SIX4: variants seen among roughly 807,000 people sequenced by gnomAD.
SIX4 encodes the protein SIX homeobox 4, also known as homeobox protein SIX4.
A neutral mutation model predicts 51.5 loss-of-function variants in SIX4; 23 were observed. The observed-to-expected ratio is 0.45, with a 90% CI of 0.32 to 0.63. The LOEUF (loss-of-function observed/expected upper bound fraction) is 0.63. Among genes scored for constraint, SIX4 ranks in the 30% least tolerant of loss-of-function variants. SIX4 has a pLI of 0.04. For missense variants in SIX4, 867 were observed against 984.0 expected, an observed-to-expected ratio of 0.88 and a Z score of 1.59; for synonymous variants, 413 against 417.3, an observed-to-expected ratio of 0.99 and a Z score of 0.13.
Position 60,713,663 on chromosome 14 carries a change from C to T in SIX4, c.2090G>A (p.Gly697Asp). ...CTGATGTACTGCTGGGGAGGGGTGA[C>T]CTACCTGATCTTCAGCTGTAGGAAC... is the stretch of plus-strand genomic sequence containing the variant. ...EIVPTAEDQVGHPSPAVHQDF... is the reference protein window; with the variant it reads ...EIVPTAEDQVDHPSPAVHQDF... The change falls in exon 3 of 3, where the codon GGT (glycine) becomes GAT (aspartate). Residue 697 changes from glycine (G) to aspartate (D), a missense_variant. Physicochemically the swap from Gly to Asp is moderately conservative, Grantham distance 94. Coordinates refer to ENST00000216513, the MANE Select transcript of SIX4 (RefSeq NM_017420.5). 6.2e-7 allele frequency: 1 copy of T among 1,614,178 alleles called. No individual in the cohort carries two copies. Among genetic ancestry groups the T allele is most frequent in the Admixed American group, 1.7e-5 (1 of 60,026 alleles).
chr14:60,720,514 T>G lies in SIX4; in HGVS notation c.864-69A>C, dbSNP rs1420831764. Reference sequence around the variant, plus strand: ...TGACATTCTACACAGTGCCACTTGTTTGGAAAACCAGCTTCTAAATCCATT... The same window carrying G: ...TGACATTCTACACAGTGCCACTTGTGTGGAAAACCAGCTTCTAAATCCATT... On this transcript the variant is annotated intron_variant, in intron 1 of 2. Coordinates refer to ENST00000216513, the MANE Select transcript of SIX4 (RefSeq NM_017420.5). The surrounding 1 kb of genome is among the most constrained non-coding windows in gnomAD (Gnocchi z 5.5). The G allele has an allele frequency of 6.9e-7, 1 of 1,439,010 alleles. No individual in the cohort carries two copies. Among genetic ancestry groups the G allele is most frequent in the Admixed American group, 2.2e-5 (1 of 46,210 alleles). The allele number at this position is 1,439,010 out of a possible 1,614,324, so 89.1% of individuals were successfully genotyped here.
intron 2 of SIX4, among the ~76,000 whole-genome samples, chr14:60,714,972 TAAAAAAAAA>T (rs11449594): frequency 1.5e-5 from 2 of 129,326 alleles, no homozygotes; most frequent in South Asian, 2.6e-4. Flanking sequence ...GCCCTTTCTT[TAAAAAAAAA>T]AAAAAAAAAA....
Position 60,724,174 on chromosome 14 carries a change from T to C in SIX4, c.-100A>G. ...TCCTCCTTCGTCTCCCTCCCTCCTC[T>C]CCCCCTCCGGAAAGCCCACTCCCTC... On this transcript the variant is annotated 5_prime_UTR_variant, in exon 1 of 3. Coordinates refer to ENST00000216513, the MANE Select transcript of SIX4 (RefSeq NM_017420.5). 6.3e-7 allele frequency: 1 copy of C among 1,583,758 alleles called. No homozygotes were observed.
rs1488301067 is a variant in SIX4, at chr14:60,717,448, G to A, written c.1549+2312C>T. Among the ~76,000 whole-genome samples, 3 of 152,122 alleles carry A rather than the reference G, an allele frequency of 2.0e-5. No individual in the cohort carries two copies. The highest frequency in any genetic ancestry group is 1.3e-4 in the Admixed American group (2 of 15,272). On this transcript the variant is annotated intron_variant, in intron 2 of 2. Coordinates refer to ENST00000216513, the MANE Select transcript of SIX4 (RefSeq NM_017420.5). The surrounding 1 kb of genome is among the most constrained non-coding windows in gnomAD (Gnocchi z 4.6). ...TAGATGTTTAGTTTATTGTGTGTAT[G>A]TTTATGAAATTGTTTGCCAATGTAT... is the stretch of plus-strand genomic sequence containing the variant.
At chr14:60,723,141 C>T (rs1238888649) in intron 1 of SIX4, 71 bp downstream of exon 1, 7 of 1,445,590 alleles carry the variant, frequency 4.8e-6, no homozygotes, top group Non-Finnish European at 6.3e-6. Context: ...TTTGCGAGCA[C>T]TTGGAGGAAA....
chr14:60,713,431 C>G lies in SIX4; in HGVS notation c.2322G>C (p.Leu774=), dbSNP rs762118317. The G allele has an allele frequency of 3.1e-6, 5 of 1,608,834 alleles. No homozygotes were observed. Among genetic ancestry groups the G allele is most frequent in the Non-Finnish European group, 4.2e-6 (5 of 1,178,006 alleles). ...KELAKLQTVQ[L]DEDMQDL ...TTCATAAGTCTTGCATATCTTCATC[C>G]AGCTGGACAGTCTGGAGCTTGGCAA... is the stretch of plus-strand genomic sequence containing the variant. The change falls in exon 3 of 3, where the codon CTG becomes CTC. Residue 774 remains leucine, a synonymous_variant. Transcript: ENST00000216513.
Position 60,723,869 on chromosome 14 carries a change from T to A in SIX4, c.206A>T (p.Glu69Val). 6.5e-7 allele frequency: 1 copy of A among 1,543,852 alleles called. No individual in the cohort carries two copies. The highest frequency in any genetic ancestry group is 1.2e-5 in the South Asian group (1 of 83,068). The stretch of plus-strand genomic sequence containing the variant: ...GGCCGCCGCCGCCGCCACTGCCCCT[T>A]CCTCTCCGCTCACCCTGGCGGCAGC... ...ATAAARVSGE[E>V]GAVAAAAAGA... Residue 69 changes from glutamate to valine, a missense_variant, in exon 1 of 3, where the codon GAA becomes GTA. Transcript: ENST00000216513.
Position 60,716,409 on chromosome 14 carries a change from T to C in SIX4, c.1550-2206A>G, listed in dbSNP as rs146521401. On this transcript the variant is annotated intron_variant, in intron 2 of 2. Transcript: ENST00000216513. Reference sequence around the variant, plus strand: ...CTGGGATTACAGGCACGCACCACCATGCCTGGCTAATTTTTGTATTTTTAG... The same window carrying C: ...CTGGGATTACAGGCACGCACCACCACGCCTGGCTAATTTTTGTATTTTTAG... 1.6e-3 allele frequency among the ~76,000 whole-genome samples: 244 copies of C among 152,110 alleles called. No homozygotes were observed. The East Asian group carries it at 0.027, about 17-fold the overall frequency.
chr14:60,718,136 A>C (rs1895953137), intron 2 of SIX4: 1 of 155,526 alleles, frequency 6.4e-6, no homozygotes, highest in South Asian at 2.0e-4. Flanking sequence ...TCTTGTCAAG[A>C]CATTTTAAAG....
In SIX4 at chr14:60,720,026, G is replaced by T. The variant is rs768453686; in HGVS notation, c.1283C>A (p.Ala428Asp). 5.0e-6 allele frequency: 8 copies of T among 1,614,204 alleles called. No homozygotes were observed. Among genetic ancestry groups the T allele is most frequent in the Non-Finnish European group, 5.1e-6 (6 of 1,180,040 alleles). Residue 428 changes from alanine to aspartate, a missense_variant, in exon 2 of 3, where the codon GCT becomes GAT. Coordinates refer to ENST00000216513, the MANE Select transcript of SIX4 (RefSeq NM_017420.5). The surrounding 1 kb of genome is among the most constrained non-coding windows in gnomAD (Gnocchi z 5.5). ...VKEFKVLQSS[A>D]NSATTTSYSP... ...GTAGGACGTGGTGGTTGCTGAGTTA[G>T]CAGAACTCTGGAGGACTTTGAATTC... is the stretch of plus-strand genomic sequence containing the variant.
chr14:60,715,881 T>G (rs1895912647), intron 2 of SIX4, among the ~76,000 whole-genome samples: 1 of 151,398 alleles, frequency 6.6e-6, no homozygotes, highest in Non-Finnish European at 1.5e-5. Context: ...GTCAACTCTT[T>G]TTTTTTTTTT....
Position 60,722,033 on chromosome 14 carries a change from G to C in SIX4, c.863+1179C>G, listed in dbSNP as rs111561494. Among the ~76,000 whole-genome samples, 848 of 152,304 alleles carry C rather than the reference G, an allele frequency of 5.6e-3. 15 individuals are homozygous for C. Among genetic ancestry groups the C allele is most frequent in the African/African-American group, 0.019 (796 of 41,572 alleles). The stretch of plus-strand genomic sequence containing the variant: ...GAAGCGGCAAGGGCGGGCTGAGACC[G>C]GCTCTGGAATGCGCTGGTGATCACC... On this transcript the variant is annotated intron_variant, in intron 1 of 2. Transcript: ENST00000216513. This position sits in a 1 kb window ranked among gnomAD's most constrained non-coding sequence, Gnocchi z 5.9.
Position 60,720,845 on chromosome 14 carries a change from C to A in SIX4, c.864-400G>T, listed in dbSNP as rs1016701564. ...GTGGTCGGTCTTTCCTGTTTAGGAA[C>A]TCCTTCCCCTCCCCTCAAACCAATT... On this transcript the variant is annotated intron_variant, in intron 1 of 2. Transcript: ENST00000216513. The surrounding 1 kb of genome is among the most constrained non-coding windows in gnomAD (Gnocchi z 5.5). 1.4e-5 allele frequency: 8 copies of A among 587,942 alleles called. No individual in the cohort carries two copies. Among genetic ancestry groups the A allele is most frequent in the Non-Finnish European group, 1.5e-5 (7 of 460,876 alleles). The allele number at this position is 587,942 out of a possible 1,614,324, so 36.4% of individuals were successfully genotyped here. A position where few individuals can be genotyped will look rare whatever the true frequency, so the allele number is the denominator to read the frequency against.
Position 60,715,878 on chromosome 14 carries a change from CT to C in SIX4, c.1550-1676del, listed in dbSNP as rs869131693. The stretch of plus-strand genomic sequence containing the variant: ...TCTTGAATTAGATGTTCAGTCAACT[CT>C]TTTTTTTTTTTTTGAGACAGTCTTG... On this transcript the variant is annotated intron_variant, in intron 2 of 2. Transcript: ENST00000216513. 3.7e-3 allele frequency among the ~76,000 whole-genome samples: 526 copies of C among 142,648 alleles called. 1 individual carries two copies. Among genetic ancestry groups the C allele is most frequent in the African/African-American group, 6.9e-3 (271 of 39,062 alleles). 93.6% of individuals were successfully genotyped at this position (142,648 alleles called of 152,430 possible).
intron 1 of SIX4, chr14:60,721,200 C>T: frequency 1.0e-6 from 1 of 971,618 alleles, no homozygotes; most frequent in African/African-American, 1.8e-5. Context: ...TATTAGACCT[C>T]TTCCCCAACG....
In SIX4 at chr14:60,713,687, A is replaced by C; in HGVS notation, c.2066T>G (p.Val689Gly). The C allele has an allele frequency of 6.2e-7, 1 of 1,614,226 alleles. No individual in the cohort carries two copies. Among genetic ancestry groups the C allele is most frequent in the Non-Finnish European group, 8.5e-7 (1 of 1,180,030 alleles). Residue 689 changes from valine (V) to glycine (G), a missense_variant, in exon 3 of 3, where the codon GTT (valine) becomes GGT (glycine). By Grantham distance (109) the Val-to-Gly change is moderately radical. Transcript: ENST00000216513. ...ACCTACCTGATCTTCAGCTGTAGGA[A>C]CTATTTCCCCAAGGGCAGCCTGAGT... Reference protein sequence around the residue: ...PMTQAALGEIVPTAEDQVGHP... With the variant: ...PMTQAALGEIGPTAEDQVGHP...
Position 60,723,605 on chromosome 14 carries a change from A to G in SIX4, c.470T>C (p.Phe157Ser). The G allele has an allele frequency of 6.2e-7, 1 of 1,610,454 alleles. No homozygotes were observed. The highest frequency in any genetic ancestry group is 1.3e-5 in the African/African-American group (1 of 74,960). ...GAGCTCGGGGTAGATGCCCTGGTGG[A>G]AGGCCACGAGCGCCCGCGCCTTCAG... ...SLLKARALVA[F>S]HQGIYPELYS... The change falls in exon 1 of 3, where the codon TTC (phenylalanine) becomes TCC (serine). Residue 157 changes from phenylalanine to serine, a missense_variant. Physicochemically the swap from Phe to Ser is radical, Grantham distance 155. Coordinates refer to ENST00000216513, the MANE Select transcript of SIX4 (RefSeq NM_017420.5).
intron 2 of SIX4, chr14:60,718,006 C>T (rs983637860): frequency 2.1e-5 from 5 of 234,376 alleles, no homozygotes; most frequent in East Asian, 1.6e-4. Flanking sequence ...AATGAGTCTC[C>T]GCCTAAAAAT....
rs776111621 is a variant in SIX4, at chr14:60,723,552, C to T, written c.523G>A (p.Glu175Lys). ...TGCAGCAGCGGGTGGTTGGCCGACT[C>T]GAAGCTGTGGCTCTCGAGGATGCTG... Reference protein sequence around the residue: ...LYSILESHSFESANHPLLQQL... With the variant: ...LYSILESHSFKSANHPLLQQL... The change falls in exon 1 of 3, where the codon GAG becomes AAG. Residue 175 changes from glutamate (E) to lysine (K), a missense_variant. Physicochemically the swap from Glu to Lys is moderately conservative, Grantham distance 56. Transcript: ENST00000216513. 3 of 1,609,552 alleles carry T rather than the reference C, an allele frequency of 1.9e-6. No individual in the cohort carries two copies. Among genetic ancestry groups the T allele is most frequent in the Non-Finnish European group, 2.5e-6 (3 of 1,179,490 alleles).
Sources: gnomAD v4.1 joint callset for allele counts (sites outside exome capture counted in the v4.1 genomes callset) on GRCh38, gnomAD v4.1.1 for gene constraint, Gnocchi (gnomAD v3.1) non-coding constraint, MANE v1.5 for transcripts, NCBI Gene and HGNC (gene_info 2026-07-23, HGNC 2026-07-21) for gene names.